Variants in MOBP observed in about 807,000 individuals in gnomAD.
The protein encoded by MOBP is myelin associated oligodendrocyte basic protein, also known as myelin-associated oligodendrocyte basic protein.
In MOBP, 5 loss-of-function variants were observed where a neutral mutation model predicts 15.0. That is an observed-to-expected ratio of 0.33 (90% CI 0.17 to 0.70). The LOEUF (loss-of-function observed/expected upper bound fraction) is 0.70, where lower values mean the gene tolerates loss of function less well. Ranked by LOEUF, MOBP falls within the 30% of genes least tolerant of loss-of-function variation. The pLI, the probability that MOBP is intolerant of heterozygous loss-of-function variation, is 0.67. For synonymous variants in MOBP, 88 were observed against 99.0 expected, an observed-to-expected ratio of 0.89 and a Z score of 0.66; for missense variants, 188 against 257.8, an observed-to-expected ratio of 0.73 and a Z score of 1.85.
intron 1 of MOBP, among the ~76,000 whole-genome samples, chr3:39,477,345 C>T (rs935622094): frequency 6.6e-6 from 1 of 151,432 alleles, no homozygotes; most frequent in African/African-American, 2.4e-5. Flanking sequence ...GTGGTGGTCC[C>T]ATAAGATTAT....
chr3:39,481,037 A>G (rs752338350), intron 2 of MOBP, among the ~76,000 whole-genome samples: 3 of 151,808 alleles, frequency 2.0e-5, no homozygotes, highest in Non-Finnish European at 2.9e-5. Context: ...TCTACCTTCT[A>G]TTTTCTTCAC....
At chr3:39,478,647 C>G (rs748992062) in intron 1 of MOBP, among the ~76,000 whole-genome samples, 3 of 152,096 alleles carry the variant, frequency 2.0e-5, no homozygotes, top group African/African-American at 4.8e-5. Context: ...CAGAAAAAAC[C>G]AGGATGAATG....
chr3:39,494,786 C>CA, intron 2 of MOBP, among the ~76,000 whole-genome samples: 1 of 79,734 alleles, frequency 1.3e-5, no homozygotes, highest in African/African-American at 4.9e-5. Context: ...TTCAAAGCCC[C>CA]CCCCCGCCCC....
Position 39,502,092 on chromosome 3 carries a change from A to G in MOBP, c.23A>G (p.Glu8Gly), listed in dbSNP as rs1319197382. The G allele has an allele frequency of 6.2e-7, 1 of 1,613,968 alleles. No individual in the cohort carries two copies. Among genetic ancestry groups the G allele is most frequent in the African/African-American group, 1.3e-5 (1 of 74,904 alleles). The part of the protein sequence containing the change: MSQKPAK[E>G]GPRLSKNQKY... ...GAGATGAGTCAGAAACCGGCCAAGG[A>G]GGGTCCCAGACTCTCCAAAAACCAG... The change falls in exon 3 of 4, where the codon GAG becomes GGG. Residue 8 changes from glutamate to glycine, a missense_variant. This residue lies in a region of MOBP where 133 missense variants were observed against 212.5 expected (regional missense o/e 0.63). Coordinates refer to ENST00000684792, the MANE Select transcript of MOBP (RefSeq NM_001393704.1). This position sits in a 1 kb window ranked among gnomAD's most constrained non-coding sequence, Gnocchi z 6.3.
chr3:39,469,184 G>GTGTGTATATACATATATACATA (rs2042424724), intron 1 of MOBP, among the ~76,000 whole-genome samples: 1 of 102,754 alleles, frequency 9.7e-6, no homozygotes, highest in Non-Finnish European at 1.9e-5. Flanking sequence ...ATACATGTGT[G>GTGTGTATATACATATATACATA]TGTGTGTATA....
intron 4 of MOBP, among the ~76,000 whole-genome samples, chr3:39,512,396 T>C (rs2043131500): frequency 6.6e-6 from 1 of 152,174 alleles, no homozygotes; most frequent in African/African-American, 2.4e-5. Flanking sequence ...ATACAGGCAA[T>C]CCAGAAAGTG....
At chr3:39,521,351 G>T (rs1559431211) in intron 3 of MOBP, among the ~76,000 whole-genome samples, 1 of 152,172 alleles carries the variant, frequency 6.6e-6, no homozygotes, top group East Asian at 1.9e-4. Flanking sequence ...GCAACAGCCA[G>T]TTTTGTTATA....
At chr3:39,505,554 A>T, downstream of MOBP, among the ~76,000 whole-genome samples, 1 of 152,150 alleles carries the variant, frequency 6.6e-6, no homozygotes, top group Non-Finnish European at 1.5e-5. Context: ...GCAGTCCTTT[A>T]TACATCCTGG....
chr3:39,506,578 G>T (rs545291220), downstream of MOBP, among the ~76,000 whole-genome samples: 1 of 152,310 alleles, frequency 6.6e-6, no homozygotes, highest in South Asian at 2.1e-4. Flanking sequence ...TCTTACCAGA[G>T]GGGTGGAGGA....
intron 4 of MOBP, among the ~76,000 whole-genome samples, chr3:39,510,335 A>T (rs1023460084): frequency 4.6e-5 from 7 of 152,056 alleles, no homozygotes; most frequent in African/African-American, 1.7e-4. Flanking sequence ...TTTCCATATA[A>T]ATTTTCATTG....
intron 2 of MOBP, chr3:39,500,206 A>G (rs2042949987): frequency 1.0e-5 from 4 of 398,078 alleles, no homozygotes; most frequent in Middle Eastern, 4.8e-4. Context: ...ACTTGCCTGT[A>G]TCTCCCACTG....
chr3:39,525,977 G>A (rs989832402), downstream of MOBP: 5 of 152,272 alleles, frequency 3.3e-5, no homozygotes, highest in African/African-American at 1.2e-4. Flanking sequence ...CTACTATGAA[G>A]TGTTTCCAAT....
In MOBP at chr3:39,502,704, C is replaced by CA; in HGVS notation, c.377dup (p.Pro127AlafsTer8). 1 of 1,531,594 alleles carries CA rather than the reference C, an allele frequency of 6.5e-7. No homozygotes were observed. Among genetic ancestry groups the CA allele is most frequent in the South Asian group, 1.2e-5 (1 of 83,448 alleles). 94.9% of individuals were successfully genotyped at this position (1,531,594 alleles called of 1,614,324 possible). ...ACGGTCCCCTCCGAGGTCTGAGCGT[C>CA]AGCCACGGTCCCCTCCGAGGTCTGA... is the stretch of plus-strand genomic sequence containing the variant. On this transcript the variant is annotated frameshift_variant, in exon 4 of 4. Transcript: ENST00000684792. LOFTEE classifies it high-confidence loss of function. The surrounding 1 kb of genome is among the most constrained non-coding windows in gnomAD (Gnocchi z 6.3).
intron 2 of MOBP, among the ~76,000 whole-genome samples, chr3:39,493,167 G>A (rs2042825963): frequency 6.6e-6 from 1 of 152,078 alleles, no homozygotes; most frequent in Admixed American, 6.5e-5. Flanking sequence ...AGGAAGGGTG[G>A]GAAGAAGGGC....
chr3:39,500,054 C>A (rs1209794055), intron 2 of MOBP: 1 of 456,204 alleles, frequency 2.2e-6, no homozygotes, highest in Non-Finnish European at 4.4e-6. Context: ...TGTGGACATT[C>A]CTCTACCTAC....
chr3:39,517,286 T>G (rs2043215375), downstream of MOBP, among the ~76,000 whole-genome samples: 1 of 152,184 alleles, frequency 6.6e-6, no homozygotes, highest in Admixed American at 6.5e-5. Context: ...GGATGCTTTG[T>G]GTTTGTAAAT....
intron 1 of MOBP, among the ~76,000 whole-genome samples, chr3:39,479,836 G>A (rs1463162575): frequency 6.6e-6 from 1 of 150,478 alleles, no homozygotes; most frequent in East Asian, 1.9e-4. Flanking sequence ...ATAATGTTAA[G>A]GCGGTTATTA....
chr3:39,467,959 A>G (rs953197082), intron 1 of MOBP, among the ~76,000 whole-genome samples: 5 of 152,132 alleles, frequency 3.3e-5, no homozygotes, highest in African/African-American at 1.2e-4. Flanking sequence ...TGTTCCTGCT[A>G]ATGTTTGGAA....
chr3:39,519,041 C>T (rs1346537070), downstream of MOBP, among the ~76,000 whole-genome samples: 1 of 152,150 alleles, frequency 6.6e-6, no homozygotes, highest in Non-Finnish European at 1.5e-5. Context: ...TTAAGTACAT[C>T]AATCTTTGGG....
Sources: allele counts gnomAD v4.1 joint callset (sites outside exome capture counted in the v4.1 genomes callset), GRCh38; gene constraint gnomAD v4.1.1; regional missense constraint gnomAD v4.1.1; non-coding constraint Gnocchi (gnomAD v3.1); transcripts MANE v1.5; gene names NCBI Gene and HGNC (gene_info 2026-07-23, HGNC 2026-07-21).